The following SCYGR6 variants were observed in gnomAD, a reference collection of about 807,000 sequenced individuals.
SCYGR6 encodes small cysteine and glycine repeat-containing protein 6.
chr2:227,724,608 G>A (rs1485897237), exon 1 of SCYGR6: 33 of 399,706 alleles, frequency 8.3e-5, no homozygotes, highest in Non-Finnish European at 1.4e-4. Context: ...GGCAGCAGGG[G>A]CAGCAGCTGG....
At chr2:227,724,550 G>A (rs539899709) in exon 1 of SCYGR6, 135 of 398,298 alleles carry the variant, frequency 3.4e-4, no homozygotes, top group African/African-American at 2.5e-3. Flanking sequence ...CAGGTGCGGC[G>A]GCAGCAACAG....
exon 1 of SCYGR6, chr2:227,724,674 G>GCCACCA (rs1696529784): frequency 2.5e-6 from 1 of 407,534 alleles, no homozygotes; most frequent in Admixed American, 4.4e-5. Flanking sequence ...AGCCACCACC[G>GCCACCA]CAGCCACCAC....
Position 227,724,705 on chromosome 2 carries a change from C to A in SCYGR6, c.53G>T (p.Gly18Val), listed in dbSNP as rs550375880. The A allele has an allele frequency of 8.7e-4, 354 of 408,546 alleles. 2 individuals carry two copies. The highest frequency in any genetic ancestry group is 7.0e-3 in the African/African-American group (326 of 46,872). The allele number at this position is 408,546 out of a possible 1,614,324, so 25.3% of individuals were successfully genotyped here. Residue 18 changes from glycine to valine, a missense_variant, in exon 1 of 1, where the codon GGT (glycine) becomes GTT (valine). Transcript: ENST00000641918. ...ACCACCACAGCCACCACTGCAGCCA[C>A]CACCGCAGCCACCGCAGCCACCACC...
chr2:227,724,690 C>A (rs1696530702), exon 1 of SCYGR6: 1 of 410,466 alleles, frequency 2.4e-6, no homozygotes, highest in Non-Finnish European at 4.3e-6. Flanking sequence ...ACCACCACAG[C>A]CACCACTGCA....
exon 1 of SCYGR6, chr2:227,724,695 ACTG>A (rs1574592020): frequency 7.3e-6 from 3 of 411,186 alleles, no homozygotes; most frequent in Admixed American, 4.4e-5. Flanking sequence ...CACAGCCACC[ACTG>A]CAGCCACCAC....
exon 1 of SCYGR6, chr2:227,724,686 A>ACAGCCACCACTGCAGCCACCG: frequency 2.4e-6 from 1 of 409,358 alleles, no homozygotes; most frequent in South Asian, 1.1e-4. Flanking sequence ...AGCCACCACC[A>ACAGCCACCACTGCAGCCACCG]CAGCCACCAC....
chr2:227,724,546 C>G lies in SCYGR6; in HGVS notation c.212G>C (p.Arg71Pro), dbSNP rs991709988. 28 of 398,562 alleles carry G rather than the reference C, an allele frequency of 7.0e-5. No homozygotes were observed. In the East Asian group the frequency reaches 9.3e-4, roughly 13 times the overall value. The allele number at this position is 398,562 out of a possible 1,614,324, so 24.7% of individuals were successfully genotyped here. A position where few individuals can be genotyped will look rare whatever the true frequency, so the allele number is the denominator to read the frequency against. Residue 71 changes from arginine (R) to proline (P), a missense_variant, in exon 1 of 1, where the codon CGC (arginine) becomes CCC (proline). Coordinates refer to ENST00000641918, the Ensembl canonical transcript of SCYGR6. ...GCCGCAGCCACATGAGTGGCAGGTGCGGCGGCAGCAACAGATCACGGGCGT... is the reference window on the plus strand; with the variant it reads ...GCCGCAGCCACATGAGTGGCAGGTGGGGCGGCAGCAACAGATCACGGGCGT...
chr2:227,724,556 A>G (rs1234065068), exon 1 of SCYGR6: 1 of 398,866 alleles, frequency 2.5e-6, no homozygotes, highest in Non-Finnish European at 4.4e-6. Flanking sequence ...CGGCGGCAGC[A>G]ACAGATCACG....
chr2:227,724,712 A>T, exon 1 of SCYGR6: 1 of 411,330 alleles, frequency 2.4e-6, no homozygotes, highest in Non-Finnish European at 4.2e-6. Context: ...CCACCACCGC[A>T]GCCACCGCAG....
exon 1 of SCYGR6, chr2:227,724,553 A>G (rs1479380459): frequency 1.3e-5 from 5 of 398,240 alleles, no homozygotes; most frequent in Non-Finnish European, 2.2e-5. Flanking sequence ...GTGCGGCGGC[A>G]GCAACAGATC....
At chr2:227,724,654 C>G in exon 1 of SCYGR6, 1 of 403,808 alleles carries the variant, frequency 2.5e-6, no homozygotes, top group Non-Finnish European at 4.4e-6. Flanking sequence ...GCAGGTGGTG[C>G]AGCTGCCACA....
chr2:227,724,589 A>G, exon 1 of SCYGR6: 2 of 399,506 alleles, frequency 5.0e-6, no homozygotes, highest in Non-Finnish European at 8.8e-6. Flanking sequence ...CAGCCTCCAC[A>G]GCAGCCGCGG....
chr2:227,724,654 C>T (rs1032275356), exon 1 of SCYGR6: 10 of 403,690 alleles, frequency 2.5e-5, no homozygotes, highest in Admixed American at 1.8e-4. Context: ...GCAGGTGGTG[C>T]AGCTGCCACA....
exon 1 of SCYGR6, chr2:227,724,443 G>A (rs924270562): frequency 4.8e-5 from 19 of 398,692 alleles, no homozygotes; most frequent in African/African-American, 2.9e-4. Context: ...GGCCCGCCTA[G>A]CAGCAGCATT....
rs1696522817 is a variant in SCYGR6 at position 227,724,471 on chromosome 2, TTCTGCTGACAGCAGCCC to T, written c.270_286del (p.Cys92LeufsTer?). The T allele has an allele frequency of 2.8e-6, 1 of 357,772 alleles. No homozygotes were observed. Among genetic ancestry groups the T allele is most frequent in the African/African-American group, 3.1e-5 (1 of 32,092 alleles). The allele number at this position is 357,772 out of a possible 1,614,324, so 22.2% of individuals were successfully genotyped here. Reference sequence around the variant, plus strand: ...GCAGCATTGCTTCTTGCAGCAGCCCTTCTGCTGACAGCAGCCCTTCTGCTGGCAACAGCCCTTCCCAC... The same window carrying T: ...GCAGCATTGCTTCTTGCAGCAGCCCTTTCTGCTGGCAACAGCCCTTCCCAC... On this transcript the variant is annotated frameshift_variant, in exon 1 of 1. Coordinates refer to ENST00000641918, the Ensembl canonical transcript of SCYGR6. LOFTEE classifies it high-confidence loss of function.
At chr2:227,724,529 C>T (rs1266001408) in exon 1 of SCYGR6, 4 of 398,274 alleles carry the variant, frequency 1.0e-5, no homozygotes, top group Non-Finnish European at 1.8e-5. Flanking sequence ...CAGCCGCAGC[C>T]ACATGAGTGG....
chr2:227,724,568 G>A (rs1696527318), exon 1 of SCYGR6: 2 of 398,576 alleles, frequency 5.0e-6, no homozygotes, highest in Non-Finnish European at 8.8e-6. Context: ...CAGATCACGG[G>A]CGTGCTGCAG....
chr2:227,724,595 C>T (rs887177273), exon 1 of SCYGR6: 20 of 398,928 alleles, frequency 5.0e-5, no homozygotes, highest in South Asian at 2.5e-4. Context: ...CCACAGCAGC[C>T]GCGGCAGCAG....
exon 1 of SCYGR6, chr2:227,724,674 G>GCCACCACCA: frequency 2.5e-6 from 1 of 407,646 alleles, no homozygotes; most frequent in Admixed American, 4.4e-5. Flanking sequence ...AGCCACCACC[G>GCCACCACCA]CAGCCACCAC....
Sources: gnomAD v4.1 joint callset for allele counts on GRCh38, gnomAD v4.1.1 for gene constraint, MANE v1.5 for transcripts, NCBI Gene and HGNC (gene_info 2026-07-23, HGNC 2026-07-21) for gene names.